Variants in RANBP2 observed in about 807,000 individuals in gnomAD.
RANBP2 encodes RAN binding protein 2, also known as E3 SUMO-protein ligase RanBP2.
Under a neutral mutation model 303.6 loss-of-function variants are expected in RANBP2, and 57 were observed. The ratio of observed to expected loss-of-function variants is 0.19; its 90% confidence interval spans 0.15 to 0.23. The LOEUF is 0.23. Among genes scored for constraint, RANBP2 ranks in the 10% least tolerant of loss-of-function variants. The probability of loss-of-function intolerance (pLI) is 1.00; values close to 1 mark genes in which losing one functional copy is unlikely to be tolerated. For missense variants in RANBP2, 3,138 were observed against 3,780.8 expected, an observed-to-expected ratio of 0.83 and a Z score of 4.46; for synonymous variants, 1,167 against 1,301.5, an observed-to-expected ratio of 0.90 and a Z score of 2.23.
chr2:108,943,900 T>G, the RANBP2 span, among the ~76,000 whole-genome samples: 1 of 152,334 alleles, frequency 6.6e-6, no homozygotes, highest in African/African-American at 2.4e-5. Context: ...TTCCACCCAC[T>G]GCACCTCAGT....
chr2:109,225,625 T>C, the RANBP2 span, among the ~76,000 whole-genome samples: 1 of 152,384 alleles, frequency 6.6e-6, no homozygotes, highest in South Asian at 2.1e-4. Flanking sequence ...CTTAAGTCAC[T>C]TTCATGTTTG....
the RANBP2 span, among the ~76,000 whole-genome samples, chr2:108,913,752 C>A: frequency 3.3e-5 from 5 of 151,972 alleles, no homozygotes; most frequent in Non-Finnish European, 7.4e-5. Context: ...AGATCAAGAT[C>A]ATCCTGGCTA....
chr2:109,044,809 G>A, the RANBP2 span, among the ~76,000 whole-genome samples: 1 of 152,138 alleles, frequency 6.6e-6, no homozygotes, highest in African/African-American at 2.4e-5. Context: ...TTAGTGCAGT[G>A]AAGGCACATT....
chr2:108,922,230 T>C, the RANBP2 span, among the ~76,000 whole-genome samples: 16 of 152,252 alleles, frequency 1.1e-4, no homozygotes, highest in African/African-American at 3.9e-4. Context: ...GTGTCTGACA[T>C]CTTTCCAGAC....
At chr2:109,146,603 C>T in the RANBP2 span, among the ~76,000 whole-genome samples, 1 of 152,176 alleles carries the variant, frequency 6.6e-6, no homozygotes. Context: ...AGGCCCAGCC[C>T]TTCCTCCACC....
the RANBP2 span, among the ~76,000 whole-genome samples, chr2:108,940,720 T>C: frequency 2.0e-5 from 3 of 152,270 alleles, no homozygotes; most frequent in Non-Finnish European, 4.4e-5. Context: ...GACGTGGGTC[T>C]GAACGGGGCA....
the RANBP2 span, among the ~76,000 whole-genome samples, chr2:109,209,268 G>A: frequency 6.6e-6 from 1 of 152,176 alleles, no homozygotes; most frequent in Non-Finnish European, 1.5e-5. Context: ...CACATTCAGA[G>A]ATTCCCTTGT....
the RANBP2 span, among the ~76,000 whole-genome samples, chr2:109,421,632 T>C: frequency 6.6e-6 from 1 of 152,154 alleles, no homozygotes; most frequent in Admixed American, 6.5e-5. Context: ...GACCTCTAGC[T>C]CTCCACCTTC....
At chr2:109,116,393 A>G in the RANBP2 span, among the ~76,000 whole-genome samples, 14 of 151,930 alleles carry the variant, frequency 9.2e-5, no homozygotes, top group African/African-American at 3.4e-4. Context: ...ATCTTCCATC[A>G]CTGATACCCT....
the RANBP2 span, among the ~76,000 whole-genome samples, chr2:109,610,391 TC>T: frequency 1.3e-5 from 2 of 151,692 alleles, no homozygotes; most frequent in Admixed American, 1.3e-4. Context: ...CCCAGCCACT[TC>T]CCTGAATTTT....
At chr2:109,421,714 A>G in the RANBP2 span, among the ~76,000 whole-genome samples, 2 of 152,126 alleles carry the variant, frequency 1.3e-5, no homozygotes, top group Non-Finnish European at 2.9e-5. Context: ...GGGAAGGGAA[A>G]CTTATGTGTC....
the RANBP2 span, among the ~76,000 whole-genome samples, chr2:109,229,016 A>G: frequency 1.6e-4 from 25 of 152,190 alleles, no homozygotes; most frequent in Non-Finnish European, 2.6e-4. Context: ...TCACTTCATC[A>G]GCACAGAAAA....
the RANBP2 span, among the ~76,000 whole-genome samples, chr2:109,689,836 G>A: frequency 2.6e-5 from 4 of 152,046 alleles, no homozygotes; most frequent in Non-Finnish European, 4.4e-5. Context: ...CCATTGCCAA[G>A]TGTCTCTGAA....
chr2:109,321,901 A>G, the RANBP2 span, among the ~76,000 whole-genome samples: 1 of 152,192 alleles, frequency 6.6e-6, no homozygotes, highest in South Asian at 2.1e-4. Flanking sequence ...TGTGGTCAGG[A>G]CTTCAGGACT....
At chr2:108,933,364 A>T in the RANBP2 span, among the ~76,000 whole-genome samples, 1 of 152,284 alleles carries the variant, frequency 6.6e-6, no homozygotes, top group African/African-American at 2.4e-5. Context: ...ATTCTGTGAT[A>T]AAGGAAAAAG....
At chr2:109,646,754 C>T in the RANBP2 span, among the ~76,000 whole-genome samples, 555 of 151,262 alleles carry the variant, frequency 3.7e-3, 12 homozygotes, top group Admixed American at 0.032. Flanking sequence ...GATCCACCCA[C>T]GTAGGCCTCC....
the RANBP2 span, among the ~76,000 whole-genome samples, chr2:108,904,483 G>A: frequency 3.3e-5 from 5 of 152,278 alleles, no homozygotes; most frequent in African/African-American, 7.2e-5. Context: ...GATAAATCAC[G>A]ACTGATGTCC....
At chr2:109,536,420 A>T in the RANBP2 span, among the ~76,000 whole-genome samples, 1 of 152,204 alleles carries the variant, frequency 6.6e-6, no homozygotes. Context: ...TGGATTTCAG[A>T]CTTGCATGGA....
chr2:109,384,744 C>G, the RANBP2 span, among the ~76,000 whole-genome samples: 4,351 of 152,172 alleles, frequency 0.029, 143 homozygotes, highest in African/African-American at 0.079. Flanking sequence ...GTGGAGGGAG[C>G]CTTCTAGACT....
Sources: gnomAD v4.1 joint callset for allele counts (sites outside exome capture counted in the v4.1 genomes callset) on GRCh38, gnomAD v4.1.1 for gene constraint, MANE v1.5 for transcripts, NCBI Gene and HGNC (gene_info 2026-07-23, HGNC 2026-07-21) for gene names.